Variants in EDARADD observed in about 807,000 individuals in gnomAD.
EDARADD encodes ectodysplasin-A receptor-associated adapter protein.
EDARADD carries 20 observed loss-of-function variants against 25.6 expected under a neutral mutation model. That is an observed-to-expected ratio of 0.78 (90% CI 0.55 to 1.14). The LOEUF (loss-of-function observed/expected upper bound fraction) is 1.14. Among genes scored for constraint, EDARADD ranks in the 50% most tolerant of loss-of-function variants. The pLI is 0.00. For synonymous variants in EDARADD, 86 were observed against 94.4 expected (o/e 0.91, Z 0.52); for missense variants, 225 against 270.1 (o/e 0.83, Z 1.17).
At position 236,448,437 on chromosome 1, in the gene EDARADD, C is replaced by T. The variant is rs145559553; in HGVS notation, c.220-19794C>T. On this transcript the variant is annotated intron_variant, in intron 4 of 5. Transcript: ENST00000334232. ...GGGAGGGTCTGATCCTAGAGTCAGC[C>T]CCACCATGGCGGTCAGGGCAGGCCC... Among the ~76,000 whole-genome samples, 323 of 152,238 alleles carry T rather than the reference C, an allele frequency of 2.1e-3. 2 individuals are homozygous for T. Among genetic ancestry groups the T allele is most frequent in the African/African-American group, 7.4e-3 (308 of 41,526 alleles).
upstream of EDARADD, chr1:236,394,222 A>T (rs1162423299): frequency 3.7e-6 from 2 of 547,154 alleles, no homozygotes; most frequent in Admixed American, 3.1e-5. Flanking sequence ...ACCACAAACC[A>T]AACCTCCAAA....
chr1:236,403,550 G>C (rs978938463), intron 1 of EDARADD, among the ~76,000 whole-genome samples: 7 of 152,122 alleles, frequency 4.6e-5, no homozygotes, highest in African/African-American at 4.8e-5. Context: ...GCCTCCCAAA[G>C]TGCTGGGATT....
In EDARADD at chr1:236,411,706, G is replaced by T. The variant is rs373614528; in HGVS notation, c.120+2432G>T. On this transcript the variant is annotated intron_variant, in intron 2 of 5. Transcript: ENST00000334232. ...TGGGATTACAGGTGCCCACCAACGGGCCTGGCTAATTTTTTTGTATTTTTA... is the reference window on the plus strand; with the variant it reads ...TGGGATTACAGGTGCCCACCAACGGTCCTGGCTAATTTTTTTGTATTTTTA... Among the ~76,000 whole-genome samples the T allele has an allele frequency of 1.3e-5, 2 of 151,934 alleles. 1 individual carries two copies. Among genetic ancestry groups the T allele is most frequent in the Admixed American group, 1.3e-4 (2 of 15,236 alleles).
intron 1 of EDARADD, among the ~76,000 whole-genome samples, chr1:236,404,329 A>G (rs965935862): frequency 6.6e-6 from 1 of 152,170 alleles, no homozygotes; most frequent in African/African-American, 2.4e-5. Flanking sequence ...GTCTCAAATA[A>G]CCAGGATCTG....
chr1:236,441,099 A>C (rs1342396356), intron 4 of EDARADD, among the ~76,000 whole-genome samples: 1 of 151,974 alleles, frequency 6.6e-6, no homozygotes, highest in African/African-American at 2.4e-5. Context: ...GGAAATTAAA[A>C]GGGCTACTCC....
intron 4 of EDARADD, among the ~76,000 whole-genome samples, chr1:236,429,268 G>A (rs1414119911): frequency 1.3e-5 from 2 of 149,318 alleles, no homozygotes; most frequent in Admixed American, 6.7e-5. Context: ...GTGCAGTGGT[G>A]CGATCTCGGC....
chr1:236,449,996 G>A (rs1658666911), intron 4 of EDARADD, among the ~76,000 whole-genome samples: 1 of 152,118 alleles, frequency 6.6e-6, no homozygotes, highest in African/African-American at 2.4e-5. Flanking sequence ...AGCTACTGGG[G>A]AGGCTGAGGC....
chr1:236,427,251 T>C, intron 3 of EDARADD, 141 bp from the exon 4 acceptor site: 1 of 748,098 alleles, frequency 1.3e-6, no homozygotes, highest in Non-Finnish European at 2.2e-6. Flanking sequence ...GGAGAGGAAT[T>C]TGTAGTCCAG....
chr1:236,481,862 G>A (rs866068542), intron 5 of EDARADD, among the ~76,000 whole-genome samples: 6 of 150,970 alleles, frequency 4.0e-5, no homozygotes, highest in African/African-American at 1.5e-4. Context: ...GCCTATAATC[G>A]CAGCACTTTG....
In EDARADD at chr1:236,483,943, A is replaced by C; in HGVS notation, c.*1294A>C. 7.3e-7 allele frequency: 1 copy of C among 1,372,122 alleles called. No homozygotes were observed. Among genetic ancestry groups the C allele is most frequent in the Non-Finnish European group, 1.0e-6 (1 of 962,222 alleles). 85.0% of individuals were successfully genotyped at this position (1,372,122 alleles called of 1,614,324 possible). A position where few individuals can be genotyped will look rare whatever the true frequency, so the allele number is the denominator to read the frequency against. On this transcript the variant is annotated 3_prime_UTR_variant, in exon 6 of 6. Transcript: ENST00000334232. ...TTCAGGTCTGGAAAGTATGACCTGG[A>C]ATTCAAGTTTCTCGACGACCCCACC...
intron 5 of EDARADD, among the ~76,000 whole-genome samples, chr1:236,475,857 T>C (rs1659487923): frequency 6.6e-6 from 1 of 152,136 alleles, no homozygotes; most frequent in African/African-American, 2.4e-5. Context: ...GTTGATATGA[T>C]TGTTCAAAGA....
intron 4 of EDARADD, among the ~76,000 whole-genome samples, chr1:236,451,658 A>G (rs573371574): frequency 6.6e-6 from 1 of 152,022 alleles, no homozygotes; most frequent in Non-Finnish European, 1.5e-5. Context: ...CCTAACCTCA[A>G]GTGATCTGCC....
At position 236,375,206 on chromosome 1, in the gene EDARADD, CT is replaced by C. The variant is rs531930688; in HGVS notation, c.-6+24369del. Among the ~76,000 whole-genome samples the C allele has an allele frequency of 8.0e-4, 121 of 152,132 alleles. 1 individual carries two copies. In the Middle Eastern group the frequency reaches 0.02, roughly 26 times the overall value. ...AGGTACCTATAATAACAAAATAATC[CT>C]TATTCTTCCCTCCTATTTCTTAAAT... On this transcript the variant is annotated intron_variant, in intron 3 of 7. Coordinates refer to the EDARADD transcript ENST00000439430.
intron 3 of EDARADD, among the ~76,000 whole-genome samples, chr1:236,416,189 G>A (rs1003369614): frequency 6.6e-6 from 1 of 152,190 alleles, no homozygotes; most frequent in Non-Finnish European, 1.5e-5. Context: ...CAGCGGGGAG[G>A]ACAAGGTTAC....
In EDARADD at chr1:236,388,181, C is replaced by G. The variant is rs374930547; in HGVS notation, c.-5-21035C>G. 2.0e-5 allele frequency among the ~76,000 whole-genome samples: 3 copies of G among 151,794 alleles called. No homozygotes were observed. The East Asian group carries it at 5.8e-4, about 29-fold the overall frequency. On this transcript the variant is annotated intron_variant, in intron 3 of 7. Transcript: ENST00000439430. ...AACACCATTTGAACTGTCTTTTGAC[C>G]ATTTAAATGTGTCTATCATTTATCA...
chr1:236,479,226 T>C (rs1659597443), intron 5 of EDARADD, among the ~76,000 whole-genome samples: 1 of 152,110 alleles, frequency 6.6e-6, no homozygotes, highest in Non-Finnish European at 1.5e-5. Context: ...CCAGTCACGG[T>C]GGCTCATACC....
chr1:236,435,857 T>C (rs1658236854), intron 4 of EDARADD, among the ~76,000 whole-genome samples: 2 of 152,136 alleles, frequency 1.3e-5, no homozygotes, highest in African/African-American at 4.8e-5. Context: ...TCTTAGCAAA[T>C]ATTTATTGAT....
chr1:236,429,588 T>C (rs1458416406), intron 4 of EDARADD, among the ~76,000 whole-genome samples: 37 of 151,148 alleles, frequency 2.4e-4, no homozygotes, highest in Admixed American at 2.4e-3. Context: ...TTTTGCCATG[T>C]TGGCCAGGCT....
rs1412129616 is a variant in EDARADD at position 236,484,687 on chromosome 1, A to G, written c.*2038A>G. ...TGCGCCACTGCACACCAGTCTGGAGACAGAGTGAGAGTCCGTCCCAGAAAA... is the reference window on the plus strand; with the variant it reads ...TGCGCCACTGCACACCAGTCTGGAGGCAGAGTGAGAGTCCGTCCCAGAAAA... On this transcript the variant is annotated 3_prime_UTR_variant, in exon 6 of 6. Transcript: ENST00000334232. This position sits in a 1 kb window ranked among gnomAD's most constrained non-coding sequence, Gnocchi z 4.1. The G allele has an allele frequency of 2.7e-6, 1 of 369,654 alleles. No individual in the cohort carries two copies. The highest frequency in any genetic ancestry group is 5.0e-6 in the Non-Finnish European group (1 of 201,398). 22.9% of individuals were successfully genotyped at this position (369,654 alleles called of 1,614,324 possible). A position where few individuals can be genotyped will look rare whatever the true frequency, so the allele number is the denominator to read the frequency against.
Sources: allele counts gnomAD v4.1 joint callset (sites outside exome capture counted in the v4.1 genomes callset), GRCh38; gene constraint gnomAD v4.1.1; non-coding constraint Gnocchi (gnomAD v3.1); transcripts MANE v1.5; gene names NCBI Gene and HGNC (gene_info 2026-07-23, HGNC 2026-07-21).